HNF4G: variants seen among roughly 807,000 people sequenced by gnomAD.
HNF4G encodes the protein hepatocyte nuclear factor 4 gamma.
A neutral mutation model predicts 50.9 loss-of-function variants in HNF4G; 21 were observed. The ratio of observed to expected loss-of-function variants is 0.41; its 90% CI spans 0.29 to 0.59. The LOEUF (loss-of-function observed/expected upper bound fraction) is 0.59. Ranked by LOEUF, HNF4G falls within the 20% of genes least tolerant of loss-of-function variation. HNF4G has a pLI of 0.26. For missense variants in HNF4G, 527 were observed against 559.4 expected, an observed-to-expected ratio of 0.94 and a Z score of 0.58; for synonymous variants, 198 against 185.6, an observed-to-expected ratio of 1.07 and a Z score of -0.54.
At chr8:75,466,851 T>G (rs944209004) in intron 1 of HNF4G, among the ~76,000 whole-genome samples, 2 of 151,668 alleles carry the variant, frequency 1.3e-5, no homozygotes, top group African/African-American at 4.8e-5. Context: ...GCCTGGCTAA[T>G]TTTTGTATTT....
chr8:75,532,961 C>A (rs1053350243), intron 2 of HNF4G, among the ~76,000 whole-genome samples: 1 of 151,984 alleles, frequency 6.6e-6, no homozygotes, highest in African/African-American at 2.4e-5. Context: ...TATAAGTCTT[C>A]ATCATTATCA....
At chr8:75,522,507 A>G (rs1335606513) in intron 2 of HNF4G, among the ~76,000 whole-genome samples, 6 of 152,236 alleles carry the variant, frequency 3.9e-5, no homozygotes, top group Admixed American at 3.9e-4. Context: ...ATGCAGACAT[A>G]GATCTACTAT....
At chr8:75,476,475 G>C (rs947503011) in intron 1 of HNF4G, among the ~76,000 whole-genome samples, 5 of 152,182 alleles carry the variant, frequency 3.3e-5, no homozygotes, top group South Asian at 4.1e-4. Flanking sequence ...TTCTGCATTT[G>C]AGTGTATGTC....
intron 1 of HNF4G, among the ~76,000 whole-genome samples, chr8:75,439,081 C>G (rs1224156360): frequency 6.6e-6 from 1 of 151,974 alleles, no homozygotes; most frequent in Non-Finnish European, 1.5e-5. Context: ...TCAATATTTG[C>G]AATTACAAAC....
At chr8:75,473,027 C>CTTATATTTACATATA (rs1812153241) in intron 1 of HNF4G, among the ~76,000 whole-genome samples, 1 of 151,950 alleles carries the variant, frequency 6.6e-6, no homozygotes, top group Non-Finnish European at 1.5e-5. Flanking sequence ...ATAAAAGTGT[C>CTTATATTTACATATA]AGCCGGGAGC....
In HNF4G at chr8:75,494,299, A is replaced by AAC. The variant is rs1812706318; in HGVS notation, c.-24+4091_-24+4092insAC. On this transcript the variant is annotated intron_variant, in intron 2 of 10. Transcript: ENST00000354370. ...GAAAAAAGCTACTGCTCTCCCATAC[A>AAC]GCACACACACACACACACACACACA... Among the ~76,000 whole-genome samples the AAC allele has an allele frequency of 7.6e-4, 104 of 137,136 alleles. 1 individual carries two copies. Among genetic ancestry groups the AAC allele is most frequent in the Middle Eastern group, 3.8e-3 (1 of 260 alleles). 90.0% of individuals were successfully genotyped at this position (137,136 alleles called of 152,430 possible). A position where few individuals can be genotyped will look rare whatever the true frequency, so the allele number is the denominator to read the frequency against.
At chr8:75,481,354 T>C (rs1812372367) in intron 1 of HNF4G, among the ~76,000 whole-genome samples, 1 of 152,224 alleles carries the variant, frequency 6.6e-6, no homozygotes, top group Admixed American at 6.5e-5. Flanking sequence ...AGACTTTTCA[T>C]GGAATATCCA....
chr8:75,449,565 G>C (rs573894434), intron 1 of HNF4G, among the ~76,000 whole-genome samples: 36 of 144,632 alleles, frequency 2.5e-4, no homozygotes, highest in Non-Finnish European at 5.1e-4. Flanking sequence ...GTAGTGCAGT[G>C]GGGCGATCTC....
At chr8:75,420,424 A>G (rs1299990299) in intron 1 of HNF4G, among the ~76,000 whole-genome samples, 6 of 152,236 alleles carry the variant, frequency 3.9e-5, no homozygotes, top group Non-Finnish European at 7.3e-5. Context: ...CTTGCGGCCT[A>G]TGAGGTGTTT....
At chr8:75,563,054 T>G (rs1199006525) in intron 9 of HNF4G, among the ~76,000 whole-genome samples, 4 of 152,164 alleles carry the variant, frequency 2.6e-5, no homozygotes, top group African/African-American at 9.6e-5. Context: ...AAAAGGAGAC[T>G]GTTCTTGTTT....
intron 1 of HNF4G, among the ~76,000 whole-genome samples, chr8:75,470,806 A>G (rs532804521): frequency 2.1e-4 from 32 of 152,336 alleles, no homozygotes; most frequent in South Asian, 1.2e-3. Context: ...ATTATTTGCT[A>G]TAAGAAATAG....
chr8:75,442,586 T>C (rs980703415), intron 1 of HNF4G, among the ~76,000 whole-genome samples: 3 of 151,686 alleles, frequency 2.0e-5, no homozygotes, highest in East Asian at 3.9e-4. Flanking sequence ...TAAAAATAAA[T>C]TTAAAAATAA....
chr8:75,491,637 A>C (rs1004296730), intron 2 of HNF4G, among the ~76,000 whole-genome samples: 3 of 152,152 alleles, frequency 2.0e-5, no homozygotes, highest in Non-Finnish European at 4.4e-5. Context: ...CACCACAGCC[A>C]GCTAATTTTT....
intron 1 of HNF4G, among the ~76,000 whole-genome samples, chr8:75,461,909 T>TATAA (rs1811857337): frequency 4.7e-5 from 1 of 21,262 alleles, no homozygotes; most frequent in African/African-American, 4.1e-4. Flanking sequence ...TAAATATAAA[T>TATAA]ATATATATAT....
chr8:75,531,694 CAAAT>C (rs1444908441), intron 2 of HNF4G, among the ~76,000 whole-genome samples: 1 of 151,780 alleles, frequency 6.6e-6, no homozygotes, highest in Non-Finnish European at 1.5e-5. Flanking sequence ...TAAAATAATA[CAAAT>C]AAATAATTAT....
chr8:75,491,232 C>T (rs114923589), intron 2 of HNF4G, among the ~76,000 whole-genome samples: 79 of 152,108 alleles, frequency 5.2e-4, no homozygotes, highest in African/African-American at 1.8e-3. Context: ...AGTGTTAGAA[C>T]GGGCATATAT....
In HNF4G at chr8:75,409,452, A is replaced by G. The variant is rs562262259; in HGVS notation, c.-144+1290A>G. Reference sequence around the variant, plus strand: ...AAAAAAAATACTCCTCATGCAAATAATAAGTATTTGTTTTTGAGTGCCTTG... The same window carrying G: ...AAAAAAAATACTCCTCATGCAAATAGTAAGTATTTGTTTTTGAGTGCCTTG... On this transcript the variant is annotated intron_variant, in intron 1 of 10. Transcript: ENST00000354370. Among the ~76,000 whole-genome samples, 9 of 151,010 alleles carry G rather than the reference A, an allele frequency of 6.0e-5. No individual in the cohort carries two copies. The East Asian group carries it at 7.7e-4, about 13-fold the overall frequency.
intron 2 of HNF4G, among the ~76,000 whole-genome samples, chr8:75,507,763 C>G (rs951673574): frequency 6.6e-6 from 1 of 152,030 alleles, no homozygotes; most frequent in African/African-American, 2.4e-5. Context: ...CAAAATTTAA[C>G]TAGTTACATG....
At chr8:75,527,969 CAATTTTT>C (rs2130759986) in intron 2 of HNF4G, among the ~76,000 whole-genome samples, 1 of 152,336 alleles carries the variant, frequency 6.6e-6, no homozygotes, top group South Asian at 2.1e-4. Flanking sequence ...TCTTCTACTT[CAATTTTT>C]TGTCTTTCTG....
Sources: allele counts gnomAD v4.1 joint callset (sites outside exome capture counted in the v4.1 genomes callset), GRCh38; gene constraint gnomAD v4.1.1; transcripts MANE v1.5; gene names NCBI Gene and HGNC (gene_info 2026-07-23, HGNC 2026-07-21).